The following GRID1 variants were observed in gnomAD, a reference collection of about 807,000 sequenced individuals.
GRID1 encodes glutamate receptor ionotropic, delta-1.
A neutral mutation model predicts 98.0 loss-of-function variants in GRID1; 28 were observed. The ratio of observed to expected loss-of-function variants is 0.29; its 90% CI spans 0.21 to 0.39. The LOEUF (loss-of-function observed/expected upper bound fraction) is 0.39. GRID1 is among the 10% of genes least tolerant of loss of function. The pLI is 1.00. For missense variants in GRID1, 1,111 were observed against 1,340.5 expected (o/e 0.83, Z 2.67); for synonymous variants, 553 against 538.5 (o/e 1.03, Z -0.37).
intron 2 of GRID1, among the ~76,000 whole-genome samples, chr10:86,338,239 G>T (rs1028004129): frequency 6.6e-6 from 1 of 150,518 alleles, no homozygotes; most frequent in African/African-American, 2.5e-5. Flanking sequence ...GCACTGATTG[G>T]TTCATGGATA....
At chr10:85,709,954 T>A (rs997278141) in intron 12 of GRID1, among the ~76,000 whole-genome samples, 4 of 151,884 alleles carry the variant, frequency 2.6e-5, no homozygotes, top group African/African-American at 9.7e-5. Flanking sequence ...TGAAAAAAAA[T>A]ACCACAAAAC....
At chr10:86,221,522 G>A (rs996301219) in intron 2 of GRID1, among the ~76,000 whole-genome samples, 1 of 152,148 alleles carries the variant, frequency 6.6e-6, no homozygotes, top group Non-Finnish European at 1.5e-5. Context: ...AGTGGTGGAG[G>A]TCCAGCAGGT....
At chr10:86,132,950 T>C (rs1844860455) in intron 4 of GRID1, among the ~76,000 whole-genome samples, 1 of 152,198 alleles carries the variant, frequency 6.6e-6, no homozygotes, top group Non-Finnish European at 1.5e-5. Flanking sequence ...GGATGAAAAG[T>C]GACATCTTGT....
At chr10:85,960,718 C>T (rs1842254970) in intron 4 of GRID1, among the ~76,000 whole-genome samples, 1 of 152,232 alleles carries the variant, frequency 6.6e-6, no homozygotes, top group Non-Finnish European at 1.5e-5. Flanking sequence ...TGGCGAACAA[C>T]CAAATGAATG....
rs187922771 is a variant in GRID1 at position 85,660,582 on chromosome 10, C to T, written c.1998-13185G>A. On this transcript the variant is annotated intron_variant, in intron 12 of 15. Coordinates refer to ENST00000327946, the MANE Select transcript of GRID1 (RefSeq NM_017551.3). Reference sequence around the variant, plus strand: ...TTCCCCAGAGAATTAGAGACTCATACCAATTTATGCAGGACCCTACAGTGG... The same window carrying T: ...TTCCCCAGAGAATTAGAGACTCATATCAATTTATGCAGGACCCTACAGTGG... Among the ~76,000 whole-genome samples the T allele has an allele frequency of 2.3e-4, 35 of 151,806 alleles. No individual in the cohort carries two copies. The East Asian group carries it at 6.8e-3, about 29-fold the overall frequency.
At chr10:85,933,432 GTT>G (rs1335615212) in intron 4 of GRID1, among the ~76,000 whole-genome samples, 2 of 152,080 alleles carry the variant, frequency 1.3e-5, no homozygotes, top group East Asian at 1.9e-4. Context: ...CCAACAGGTA[GTT>G]TTTCAATATA....
intron 8 of GRID1, among the ~76,000 whole-genome samples, chr10:85,770,870 G>A (rs188606490): frequency 0.033 from 4,999 of 152,292 alleles, 129 homozygotes; most frequent in Middle Eastern, 0.048. Flanking sequence ...GAAAGTGACG[G>A]GGAGAATGGA....
At chr10:86,337,247 C>G (rs899641140) in intron 2 of GRID1, among the ~76,000 whole-genome samples, 1 of 152,156 alleles carries the variant, frequency 6.6e-6, no homozygotes, top group Non-Finnish European at 1.5e-5. Context: ...GGAGGCCCCC[C>G]ACGAGCCCAC....
intron 2 of GRID1, among the ~76,000 whole-genome samples, chr10:86,300,884 C>T (rs1406449928): frequency 2.0e-5 from 3 of 152,144 alleles, no homozygotes; most frequent in Non-Finnish European, 4.4e-5. Flanking sequence ...GAAGAAAAGA[C>T]AGAAGAGAAG....
chr10:86,244,684 G>A (rs1210098892), intron 2 of GRID1, among the ~76,000 whole-genome samples: 2 of 152,228 alleles, frequency 1.3e-5, no homozygotes, highest in East Asian at 3.9e-4. Context: ...TGGATGGACA[G>A]ACAGAGGGCA....
chr10:86,134,504 T>C (rs1407784594), intron 4 of GRID1, among the ~76,000 whole-genome samples: 3 of 152,102 alleles, frequency 2.0e-5, no homozygotes, highest in Non-Finnish European at 2.9e-5. Context: ...CAATAAGACA[T>C]GTAAACTGTA....
At chr10:86,329,159 C>A (rs1848100617) in intron 2 of GRID1, among the ~76,000 whole-genome samples, 1 of 152,212 alleles carries the variant, frequency 6.6e-6, no homozygotes, top group Non-Finnish European at 1.5e-5. Flanking sequence ...GGGCATCCCT[C>A]CCGAGCCCTC....
intron 2 of GRID1, among the ~76,000 whole-genome samples, chr10:86,273,688 T>C (rs1847222247): frequency 6.6e-6 from 1 of 152,142 alleles, no homozygotes; most frequent in Admixed American, 6.5e-5. Flanking sequence ...TTTTCATGTG[T>C]TTTTTGGCTG....
At chr10:86,274,486 A>C (rs530446772) in intron 2 of GRID1, among the ~76,000 whole-genome samples, 47 of 152,330 alleles carry the variant, frequency 3.1e-4, no homozygotes, top group African/African-American at 1.0e-3. Context: ...CATTGAATCT[A>C]TAAATTACCT....
intron 8 of GRID1, among the ~76,000 whole-genome samples, chr10:85,798,451 T>C (rs1229348742): frequency 6.6e-6 from 1 of 152,196 alleles, no homozygotes; most frequent in Admixed American, 6.5e-5. Context: ...CACCAAACTG[T>C]TTTCCATAGT....
At chr10:85,633,549 G>A (rs190888711) in intron 13 of GRID1, among the ~76,000 whole-genome samples, 112 of 152,300 alleles carry the variant, frequency 7.4e-4, no homozygotes, top group African/African-American at 2.5e-3. Context: ...CTGGCAACAC[G>A]AACTGTGCTG....
chr10:86,163,408 C>CT (rs35437843), intron 3 of GRID1, among the ~76,000 whole-genome samples: 12,749 of 138,308 alleles, frequency 0.092, 619 homozygotes, highest in Middle Eastern at 0.14. Flanking sequence ...TGACGCATTT[C>CT]TTTTTTTTTT....
chr10:86,323,621 G>A (rs1848000714), intron 2 of GRID1, among the ~76,000 whole-genome samples: 1 of 152,232 alleles, frequency 6.6e-6, no homozygotes, highest in South Asian at 2.1e-4. Context: ...AGAGAAGTGA[G>A]TGGCTGCCAG....
intron 12 of GRID1, among the ~76,000 whole-genome samples, chr10:85,652,274 T>C (rs1248785053): frequency 6.6e-6 from 1 of 152,218 alleles, no homozygotes; most frequent in African/African-American, 2.4e-5. Context: ...GATAAATGTG[T>C]TTGCAGTATG....
Sources: allele counts gnomAD v4.1 joint callset (sites outside exome capture counted in the v4.1 genomes callset), GRCh38; gene constraint gnomAD v4.1.1; transcripts MANE v1.5; gene names NCBI Gene and HGNC (gene_info 2026-07-23, HGNC 2026-07-21).